The following PTPN22 variants were observed in gnomAD, a reference collection of about 807,000 sequenced individuals.
PTPN22 encodes tyrosine-protein phosphatase non-receptor type 22.
A neutral mutation model predicts 103.3 loss-of-function variants in PTPN22; 85 were observed. The ratio of observed to expected loss-of-function variants is 0.82; its 90% CI spans 0.69 to 0.99. The LOEUF is 0.99. Ranked by LOEUF, PTPN22 falls within the 50% of genes least tolerant of loss-of-function variation. PTPN22 has a pLI of 0.00. For synonymous variants in PTPN22, 323 were observed against 310.2 expected (o/e 1.04, Z -0.43); for missense variants, 865 against 936.9 (o/e 0.92, Z 1.00).
intron 1 of PTPN22, among the ~76,000 whole-genome samples, chr1:113,869,790 C>T (rs765126513): frequency 1.3e-5 from 2 of 152,166 alleles, no homozygotes; most frequent in Non-Finnish European, 2.9e-5. Context: ...GTTACCTTGG[C>T]TTAGGAATTA....
At chr1:113,835,061 C>T (rs1370046894) in intron 13 of PTPN22, 68 bp from the exon 14 acceptor site, 6 of 818,964 alleles carry the variant, frequency 7.3e-6, no homozygotes, top group African/African-American at 1.8e-5. Context: ...TTCTTATATT[C>T]TAATATTAAA....
At chr1:113,863,664 T>C (rs1421666668) in intron 1 of PTPN22, among the ~76,000 whole-genome samples, 1 of 152,192 alleles carries the variant, frequency 6.6e-6, no homozygotes, top group Non-Finnish European at 1.5e-5. Flanking sequence ...ACCTTGTTGA[T>C]AACTGTTTGG....
rs115995564 is a variant in PTPN22, at chr1:113,865,186, G to A, written c.88-5726C>T. 4.9e-3 allele frequency among the ~76,000 whole-genome samples: 739 copies of A among 152,326 alleles called. 7 individuals carry two copies. The highest frequency in any genetic ancestry group is 0.017 in the African/African-American group (688 of 41,574). On this transcript the variant is annotated intron_variant, in intron 1 of 20. Transcript: ENST00000359785. ...GTTCTATGGATTAGCTGTTGTTACT[G>A]TGGAAAGTAGATGAACAGAAAACGT...
intron 1 of PTPN22, among the ~76,000 whole-genome samples, chr1:113,866,910 G>T (rs1666167854): frequency 1.3e-5 from 2 of 152,046 alleles, no homozygotes; most frequent in Non-Finnish European, 2.9e-5. Flanking sequence ...ACCACTTCTG[G>T]CTAATTTTTT....
At chr1:113,857,963 C>G (rs1243410128) in intron 4 of PTPN22, 187 bp from the exon 5 acceptor site, 1 of 478,970 alleles carries the variant, frequency 2.1e-6, no homozygotes, top group Admixed American at 4.1e-5. Context: ...TCTGACAATA[C>G]TTCCCCTTTC....
chr1:113,851,111 G>A (rs1239372673), intron 10 of PTPN22, among the ~76,000 whole-genome samples: 1 of 152,012 alleles, frequency 6.6e-6, no homozygotes, highest in Non-Finnish European at 1.5e-5. Context: ...TGGGTATTCT[G>A]GGGTAGGTTA....
intron 1 of PTPN22, among the ~76,000 whole-genome samples, chr1:113,866,838 C>T (rs916745996): frequency 4.6e-5 from 7 of 152,120 alleles, no homozygotes; most frequent in Non-Finnish European, 8.8e-5. Context: ...CCCTCCACCC[C>T]CTGGGGTCAA....
At chr1:113,871,620 C>G (rs1666592453) in exon 1 of PTPN22, 1 of 1,613,842 alleles carries the variant, frequency 6.2e-7, no homozygotes, top group Non-Finnish European at 8.5e-7. Flanking sequence ...TCTCTTTGGT[C>G]CATGCTGCAG....
At chr1:113,834,808 A>T in intron 14 of PTPN22, 102 bp downstream of exon 14, 1 of 970,014 alleles carries the variant, frequency 1.0e-6, no homozygotes, top group Non-Finnish European at 1.6e-6. Flanking sequence ...GAACTCCTCA[A>T]ACTCAAGGCT....
At chr1:113,854,338 A>G (rs1328125032) in intron 9 of PTPN22, 133 bp downstream of exon 9, 2 of 830,656 alleles carry the variant, frequency 2.4e-6, no homozygotes, top group Non-Finnish European at 3.9e-6. Flanking sequence ...TAATCGTCTG[A>G]CAGAGTGGGT....
At chr1:113,852,068 G>C (rs143665827) in exon 10 of PTPN22, 3 of 1,611,194 alleles carry the variant, frequency 1.9e-6, no homozygotes, top group East Asian at 2.2e-5. Context: ...CGCATTTCCC[G>C]GATCAAACTG....
chr1:113,832,971 G>A (rs948253928), intron 16 of PTPN22, 140 bp downstream of exon 16: 19 of 836,506 alleles, frequency 2.3e-5, no homozygotes, highest in Non-Finnish European at 3.3e-5. Context: ...TCTAGTCTGG[G>A]AAAGCCAGAA....
chr1:113,871,716 G>T, upstream of PTPN22: 1 of 1,075,548 alleles, frequency 9.3e-7, no homozygotes, highest in South Asian at 1.3e-5. Flanking sequence ...AGCCACTGCT[G>T]CCGCCTGAGC....
At chr1:113,851,900 G>A in intron 10 of PTPN22, 127 bp downstream of exon 10, 1 of 522,084 alleles carries the variant, frequency 1.9e-6, no homozygotes. Context: ...AATGGCAATG[G>A]ACTCTAGAGC....
exon 13 of PTPN22, chr1:113,837,887 A>G (rs1182529887): frequency 6.2e-7 from 1 of 1,614,120 alleles, no homozygotes; most frequent in Non-Finnish European, 8.5e-7. Flanking sequence ...TGGTGTTTAG[A>G]GTCATATGGC....
At chr1:113,816,437 AATTG>A (rs1432414574) in intron 20 of PTPN22, among the ~76,000 whole-genome samples, 2 of 97,162 alleles carry the variant, frequency 2.1e-5, no homozygotes, top group Non-Finnish European at 4.3e-5. Flanking sequence ...AAAAAAAAAG[AATTG>A]AAAAAAAAAA....
chr1:113,870,737 T>C (rs1327775631), intron 1 of PTPN22, among the ~76,000 whole-genome samples: 1 of 152,170 alleles, frequency 6.6e-6, no homozygotes, highest in African/African-American at 2.4e-5. Flanking sequence ...AGAAAAATGA[T>C]GGCCAGACAT....
At chr1:113,857,203 T>C (rs1665159584) in intron 5 of PTPN22, among the ~76,000 whole-genome samples, 1 of 152,232 alleles carries the variant, frequency 6.6e-6, no homozygotes, top group South Asian at 2.1e-4. Context: ...TATTTATAGC[T>C]AATCTCAATT....
chr1:113,848,403 T>G, intron 11 of PTPN22, 137 bp downstream of exon 11: 1 of 1,201,986 alleles, frequency 8.3e-7, no homozygotes, highest in South Asian at 1.3e-5. Context: ...CACAGGAAAT[T>G]TTCAGTGCAG....
Sources: allele counts gnomAD v4.1 joint callset (sites outside exome capture counted in the v4.1 genomes callset), GRCh38; gene constraint gnomAD v4.1.1; transcripts MANE v1.5; gene names NCBI Gene and HGNC (gene_info 2026-07-23, HGNC 2026-07-21).